The following L3MBTL1 variants were observed in gnomAD, a reference collection of about 807,000 sequenced individuals.
The protein encoded by L3MBTL1 is L3MBTL histone methyl-lysine binding protein 1.
In L3MBTL1, 75 loss-of-function variants were observed where a neutral mutation model predicts 105.3. The ratio of observed to expected loss-of-function variants is 0.71; its 90% CI spans 0.59 to 0.86. The LOEUF (loss-of-function observed/expected upper bound fraction) is 0.86, where lower values mean the gene tolerates loss of function less well. Among genes scored for constraint, L3MBTL1 ranks in the 40% least tolerant of loss-of-function variants. L3MBTL1 has a pLI of 0.00. For missense variants in L3MBTL1, 1,069 were observed against 1,126.4 expected (o/e 0.95, Z 0.73); for synonymous variants, 452 against 436.2 (o/e 1.04, Z -0.45).
At chr20:43,529,165 A>C in intron 8 of L3MBTL1, 99 bp from the exon 9 acceptor site, 2 of 792,320 alleles carry the variant, frequency 2.5e-6, no homozygotes, top group Non-Finnish European at 4.3e-6. Context: ...TGGAAATACC[A>C]GGCGGGTGGG....
chr20:43,514,107 G>A, intron 3 of L3MBTL1, 46 bp downstream of exon 3: 1 of 1,475,952 alleles, frequency 6.8e-7, no homozygotes, highest in Non-Finnish European at 9.1e-7. Flanking sequence ...CCGCAGCCAT[G>A]GGGCGGGGCT....
Position 43,541,301 on chromosome 20 carries a change from A to G in L3MBTL1, c.*173A>G. The G allele has an allele frequency of 3.2e-6, 4 of 1,255,522 alleles. No homozygotes were observed. Among genetic ancestry groups the G allele is most frequent in the Non-Finnish European group, 4.3e-6 (4 of 938,688 alleles). The allele number at this position is 1,255,522 out of a possible 1,614,324, so 77.8% of individuals were successfully genotyped here. A position where few individuals can be genotyped will look rare whatever the true frequency, so the allele number is the denominator to read the frequency against. ...TCAGCTTTGGAGACAGTCTGGGTTT[A>G]AATCCCAGTTCTGTCAATTTGAGCT... is the stretch of plus-strand genomic sequence containing the variant. On this transcript the variant is annotated 3_prime_UTR_variant, in exon 22 of 22. Transcript: ENST00000418998.
chr20:43,538,029 C>G (rs745568266), intron 19 of L3MBTL1, among the ~76,000 whole-genome samples: 8 of 152,184 alleles, frequency 5.3e-5, no homozygotes, highest in Non-Finnish European at 1.2e-4. Context: ...GCACAGCTCC[C>G]TGCCAGTATT....
chr20:43,514,173 G>A, intron 3 of L3MBTL1, 112 bp downstream of exon 3: 1 of 969,910 alleles, frequency 1.0e-6, no homozygotes, highest in Non-Finnish European at 1.5e-6. Flanking sequence ...CTCAGATGAT[G>A]GGCCCTAGGG....
intron 1 of L3MBTL1, among the ~76,000 whole-genome samples, chr20:43,512,066 C>CTT (rs2018148810): frequency 1.3e-5 from 2 of 152,138 alleles, no homozygotes; most frequent in Non-Finnish European, 2.9e-5. Flanking sequence ...TTTGATTTTA[C>CTT]TGTAAGGGCA....
intron 9 of L3MBTL1, 92 bp from the exon 10 acceptor site, chr20:43,530,192 T>G: frequency 6.5e-7 from 1 of 1,538,436 alleles, no homozygotes; most frequent in Non-Finnish European, 8.9e-7. Flanking sequence ...TTAGAGCCCC[T>G]GAGACCACCA....
At chr20:43,548,183 C>T in exon 19 of L3MBTL1, 1 of 1,304,446 alleles carries the variant, frequency 7.7e-7, no homozygotes, top group Non-Finnish European at 1.0e-6. Context: ...CAAGCTGGGC[C>T]CAGCCTTGAA....
rs776776643 is a variant in L3MBTL1 at position 43,541,452 on chromosome 20, G to A, written c.*324G>A. On this transcript the variant is annotated 3_prime_UTR_variant, in exon 22 of 22. Coordinates refer to ENST00000418998, the MANE Select transcript of L3MBTL1 (RefSeq NM_001377303.1). ...TGAATGAATCATACCAGAACGTCTA[G>A]TATAATTACAGTCATGCATTGCTTA... The A allele has an allele frequency of 2.4e-5, 7 of 297,830 alleles. No homozygotes were observed. Among genetic ancestry groups the A allele is most frequent in the Non-Finnish European group, 4.4e-5 (7 of 157,536 alleles). 18.4% of individuals were successfully genotyped at this position (297,830 alleles called of 1,614,324 possible). A position where few individuals can be genotyped will look rare whatever the true frequency, so the allele number is the denominator to read the frequency against.
chr20:43,528,815 C>A (rs1359509022), intron 8 of L3MBTL1, 70 bp downstream of exon 8: 1 of 1,198,566 alleles, frequency 8.3e-7, no homozygotes, highest in Non-Finnish European at 1.2e-6. Flanking sequence ...CAACCTCAGG[C>A]CTTCTGGCGT....
At chr20:43,530,748 G>A in intron 10 of L3MBTL1, 50 bp from the exon 11 acceptor site, 1 of 1,559,180 alleles carries the variant, frequency 6.4e-7, no homozygotes, top group Non-Finnish European at 8.8e-7. Flanking sequence ...TGCCCTTGCT[G>A]TGGCCCAGCC....
downstream of L3MBTL1, among the ~76,000 whole-genome samples, chr20:43,545,226 G>A (rs180857555): frequency 1.2e-3 from 177 of 152,038 alleles, no homozygotes; most frequent in African/African-American, 3.9e-3. Context: ...TTAGCCGGGT[G>A]TGGTGGCACA....
At chr20:43,525,455 C>T (rs2018980489) in intron 7 of L3MBTL1, among the ~76,000 whole-genome samples, 1 of 152,184 alleles carries the variant, frequency 6.6e-6, no homozygotes, top group African/African-American at 2.4e-5. Context: ...CCTTTCTTCA[C>T]AGTAGACTCA....
At chr20:43,529,494 G>T in intron 9 of L3MBTL1, 126 bp downstream of exon 9, 1 of 699,296 alleles carries the variant, frequency 1.4e-6, no homozygotes, top group Non-Finnish European at 2.5e-6. Flanking sequence ...AGTGGATGAA[G>T]CTGGAATACA....
intron 8 of L3MBTL1, 105 bp downstream of exon 8, chr20:43,528,850 G>T (rs928806421): frequency 1.2e-6 from 1 of 855,084 alleles, no homozygotes; most frequent in Admixed American, 1.9e-5. Context: ...ATGCCTCAGT[G>T]GACTGGCAGA....
intron 7 of L3MBTL1, among the ~76,000 whole-genome samples, chr20:43,522,333 C>T (rs952808924): frequency 6.6e-6 from 1 of 151,436 alleles, no homozygotes; most frequent in Non-Finnish European, 1.5e-5. Flanking sequence ...CCAGTCTGGG[C>T]GACAGAGCAA....
chr20:43,526,898 G>T (rs892316770), intron 7 of L3MBTL1, among the ~76,000 whole-genome samples: 2 of 152,186 alleles, frequency 1.3e-5, no homozygotes, highest in Non-Finnish European at 2.9e-5. Flanking sequence ...ATTGAACTGA[G>T]ATTGCACCAC....
intron 18 of L3MBTL1, among the ~76,000 whole-genome samples, chr20:43,547,136 G>T (rs1398532251): frequency 7.9e-6 from 1 of 126,698 alleles, no homozygotes; most frequent in African/African-American, 3.1e-5. Context: ...ACGGAGTCTC[G>T]CTCTGTCGCC....
At chr20:43,507,933 C>A (rs1013580070) in intron 1 of L3MBTL1, among the ~76,000 whole-genome samples, 189 bp downstream of exon 1, 1 of 152,220 alleles carries the variant, frequency 6.6e-6, no homozygotes, top group Non-Finnish European at 1.5e-5. Flanking sequence ...CTGGGCGGAG[C>A]GCGCAGGGGG....
intron 3 of L3MBTL1, 66 bp downstream of exon 3, chr20:43,514,127 G>T: frequency 3.7e-6 from 5 of 1,362,984 alleles, no homozygotes; most frequent in Non-Finnish European, 5.0e-6. Context: ...TTGCAGGCCC[G>T]GAGGCTGGAC....
Sources: allele counts gnomAD v4.1 joint callset (sites outside exome capture counted in the v4.1 genomes callset), GRCh38; gene constraint gnomAD v4.1.1; transcripts MANE v1.5; gene names NCBI Gene and HGNC (gene_info 2026-07-23, HGNC 2026-07-21).